GAS2L3: variants seen among roughly 807,000 people sequenced by gnomAD.
The protein encoded by GAS2L3 is GAS2-like protein 3.
Under a neutral mutation model 37.0 loss-of-function variants are expected in GAS2L3, and 28 were observed. That is an observed-to-expected ratio of 0.76 (90% CI 0.56 to 1.04). The LOEUF is 1.04. Ranked by LOEUF, GAS2L3 falls within the 50% of genes least tolerant of loss-of-function variation. The pLI is 0.00. For missense variants in GAS2L3, 793 were observed against 817.6 expected (o/e 0.97, Z 0.37); for synonymous variants, 290 against 296.6 (o/e 0.98, Z 0.23).
rs372315554 is a variant in GAS2L3 at position 100,573,720 on chromosome 12, G to A, written c.-217G>A. The A allele has an allele frequency of 3.3e-3, 519 of 158,618 alleles. 1 individual carries two copies. Among genetic ancestry groups the A allele is most frequent in the African/African-American group, 0.012 (480 of 41,652 alleles). 9.8% of individuals were successfully genotyped at this position (158,618 alleles called of 1,614,324 possible). ...GCAGCGGCGGCGGTTGGTCAGGGGC[G>A]TGTTGGCCCCGCACAGATTGAGCCG... is the stretch of plus-strand genomic sequence containing the variant. On this transcript the variant is annotated 5_prime_UTR_variant, in exon 1 of 10. It adds an upstream start codon to the 5' untranslated region. Coordinates refer to ENST00000547754, the MANE Select transcript of GAS2L3 (RefSeq NM_174942.3).
intron 1 of GAS2L3, among the ~76,000 whole-genome samples, chr12:100,575,886 T>G (rs1267764185): frequency 6.6e-6 from 1 of 152,194 alleles, no homozygotes; most frequent in African/African-American, 2.4e-5. Flanking sequence ...CACACCTTTA[T>G]ATTCCTAACA....
intron 5 of GAS2L3, among the ~76,000 whole-genome samples, chr12:100,602,464 A>T (rs1593175278): frequency 6.6e-6 from 1 of 151,602 alleles, no homozygotes; most frequent in African/African-American, 2.4e-5. Context: ...ATATATATAT[A>T]ATATATATAT....
chr12:100,579,362 C>A, intron 1 of GAS2L3: 1 of 745,764 alleles, frequency 1.3e-6, no homozygotes, highest in Non-Finnish European at 2.3e-6. Flanking sequence ...GTCTGTCATT[C>A]CTAACGCTGT....
At position 100,624,593 on chromosome 12, in the gene GAS2L3, A is replaced by G. The variant is rs1039313178; in HGVS notation, c.1788A>G (p.Ala596=). The G allele has an allele frequency of 6.2e-7, 1 of 1,614,006 alleles. No individual in the cohort carries two copies. Among genetic ancestry groups the G allele is most frequent in the African/African-American group, 1.3e-5 (1 of 74,940 alleles). Residue 596 remains alanine (A), a synonymous_variant, in exon 10 of 10, where the codon GCA becomes GCG. Coordinates refer to ENST00000547754, the MANE Select transcript of GAS2L3 (RefSeq NM_174942.3). ...ATKKQPQNKS[A]FQKTGPSSLK... is the part of the protein sequence containing the mutation. ...AAAAGCAGCCTCAGAATAAAAGTGCATTTCAGAAGACAGGACCCAGCTCCT... is the reference window on the plus strand; with the variant it reads ...AAAAGCAGCCTCAGAATAAAAGTGCGTTTCAGAAGACAGGACCCAGCTCCT...
At chr12:100,591,261 T>TACC (rs1324853560) in intron 1 of GAS2L3, among the ~76,000 whole-genome samples, 1 of 152,088 alleles carries the variant, frequency 6.6e-6, no homozygotes, top group Admixed American at 6.6e-5. Context: ...AATAAGCGTA[T>TACC]ACCACATGAA....
At position 100,624,838 on chromosome 12, in the gene GAS2L3, A is replaced by C. The variant is rs1956315151; in HGVS notation, c.2033A>C (p.Glu678Ala). ...AAAAAACCTACTGCAAAGAAAAAGG[A>C]AGATGATGACCATTATTTTGTCATG... ...GDKKPTAKKK[E>A]DDDHYFVMTG... The change falls in exon 10 of 10, where the codon GAA (glutamate) becomes GCA (alanine). Residue 678 changes from glutamate (E) to alanine (A), a missense_variant. Physicochemically the swap from Glu to Ala is moderately radical, Grantham distance 107. Coordinates refer to ENST00000547754, the MANE Select transcript of GAS2L3 (RefSeq NM_174942.3). 1 of 1,609,756 alleles carries C rather than the reference A, an allele frequency of 6.2e-7. No individual in the cohort carries two copies. Among genetic ancestry groups the C allele is most frequent in the Non-Finnish European group, 8.5e-7 (1 of 1,176,812 alleles).
At chr12:100,601,551 T>G in intron 4 of GAS2L3, 87 bp from the exon 5 acceptor site, 1 of 712,034 alleles carries the variant, frequency 1.4e-6, no homozygotes, top group Non-Finnish European at 2.5e-6. Context: ...TTCTAGTGTT[T>G]TGCTGTAATC....
chr12:100,610,472 G>A lies in GAS2L3; in HGVS notation c.304-1528G>A, dbSNP rs115439419. Among the ~76,000 whole-genome samples, 259 of 151,916 alleles carry A rather than the reference G, an allele frequency of 1.7e-3. 2 individuals are homozygous for A. Among genetic ancestry groups the A allele is most frequent in the African/African-American group, 6.0e-3 (247 of 41,456 alleles). ...GCATAGAGATGTCTTGCCAAAATGT[G>A]GGTGAGAGGATTTCAGTTGATAGTT... is the stretch of plus-strand genomic sequence containing the variant. On this transcript the variant is annotated intron_variant, in intron 5 of 9. Transcript: ENST00000547754.
Position 100,608,545 on chromosome 12 carries a change from G to A in GAS2L3, c.304-3455G>A, listed in dbSNP as rs376639697. On this transcript the variant is annotated intron_variant, in intron 5 of 9. Coordinates refer to ENST00000547754, the MANE Select transcript of GAS2L3 (RefSeq NM_174942.3). Reference sequence around the variant, plus strand: ...GATTGAAGTCTTTTTTTTTTGAGACGGAGTCTCGCTCTGTCGCCCAGGCTG... The same window carrying A: ...GATTGAAGTCTTTTTTTTTTGAGACAGAGTCTCGCTCTGTCGCCCAGGCTG... Among the ~76,000 whole-genome samples the A allele has an allele frequency of 7.2e-5, 11 of 151,848 alleles. No homozygotes were observed. In the South Asian group the frequency reaches 8.3e-4, roughly 11 times the overall value.
intron 1 of GAS2L3, among the ~76,000 whole-genome samples, chr12:100,587,525 A>G (rs1440074661): frequency 6.6e-6 from 1 of 152,214 alleles, no homozygotes; most frequent in Non-Finnish European, 1.5e-5. Flanking sequence ...ATTAGGCAAA[A>G]TCCAGCATCC....
chr12:100,578,957 C>A, intron 1 of GAS2L3: 2 of 904,288 alleles, frequency 2.2e-6, no homozygotes, highest in Non-Finnish European at 3.6e-6. Flanking sequence ...AATTGTCATC[C>A]ATGCTTATGG....
chr12:100,600,296 C>A, intron 3 of GAS2L3, 86 bp from the exon 4 acceptor site: 1 of 827,154 alleles, frequency 1.2e-6, no homozygotes, highest in Non-Finnish European at 1.9e-6. Context: ...ATGATTTATG[C>A]TTCATCATTT....
intron 1 of GAS2L3, chr12:100,578,956 C>A: frequency 1.1e-6 from 1 of 906,860 alleles, no homozygotes; most frequent in Non-Finnish European, 1.8e-6. Context: ...TAATTGTCAT[C>A]CATGCTTATG....
At position 100,600,364 on chromosome 12, in the gene GAS2L3, G is replaced by GT; in HGVS notation, c.19-18_19-17insT. ...AAAGGTTTTATTCATTCAGTTGATT[G>GT]ATTTTTTTTTTCTTTAGGTATGGTT... On this transcript the variant is annotated splice_polypyrimidine_tract_variant and intron_variant, in intron 3 of 9. Coordinates refer to ENST00000547754, the MANE Select transcript of GAS2L3 (RefSeq NM_174942.3). 38 of 1,491,800 alleles carry GT rather than the reference G, an allele frequency of 2.5e-5. No homozygotes were observed. Among genetic ancestry groups the GT allele is most frequent in the Non-Finnish European group, 3.3e-5 (36 of 1,098,418 alleles). 92.4% of individuals were successfully genotyped at this position (1,491,800 alleles called of 1,614,324 possible). A position where few individuals can be genotyped will look rare whatever the true frequency, so the allele number is the denominator to read the frequency against.
intron 2 of GAS2L3, chr12:100,593,908 C>T (rs912126937): frequency 3.3e-5 from 5 of 151,924 alleles, no homozygotes; most frequent in Non-Finnish European, 7.4e-5. Flanking sequence ...TAATATTAGG[C>T]TTTTCAGTAT....
At chr12:100,606,313 G>A (rs1442704956) in intron 5 of GAS2L3, among the ~76,000 whole-genome samples, 1 of 151,838 alleles carries the variant, frequency 6.6e-6, no homozygotes, top group Non-Finnish European at 1.5e-5. Flanking sequence ...AGCTACTACT[G>A]TTCTTTTTCA....
At position 100,595,398 on chromosome 12, in the gene GAS2L3, G is replaced by GT. The variant is rs566262577; in HGVS notation, c.18+489dup. 4.9e-3 allele frequency among the ~76,000 whole-genome samples: 683 copies of GT among 140,710 alleles called. 1 individual carries two copies. Among genetic ancestry groups the GT allele is most frequent in the Middle Eastern group, 0.011 (3 of 278 alleles). 92.3% of individuals were successfully genotyped at this position (140,710 alleles called of 152,430 possible). ...TGGCCATTAAAATTTTAAAGAGTGG[G>GT]TTTTTTTTTTTTTGTTTTGTTTTTT... On this transcript the variant is annotated intron_variant, in intron 3 of 9. Coordinates refer to ENST00000547754, the MANE Select transcript of GAS2L3 (RefSeq NM_174942.3).
At chr12:100,623,064 T>C (rs992817619) in intron 9 of GAS2L3, among the ~76,000 whole-genome samples, 1 of 152,190 alleles carries the variant, frequency 6.6e-6, no homozygotes, top group African/African-American at 2.4e-5. Context: ...TCACCATCCA[T>C]ATTTTCTTCT....
At position 100,612,089 on chromosome 12, in the gene GAS2L3, G is replaced by C. The variant is rs1256778038; in HGVS notation, c.393G>C (p.Trp131Cys). ...ARDNTANFLH[W>C]CRDIGVDETY... ...ACAATACCGCAAACTTCCTTCACTG[G>C]TGTAGGGACATTGGGGTTGATGAAA... The change falls in exon 6 of 10, where the codon TGG (tryptophan) becomes TGC (cysteine). Residue 131 changes from tryptophan (W) to cysteine (C), a missense_variant. Physicochemically the swap from Trp to Cys is radical, Grantham distance 215 (BLOSUM62 -2). Transcript: ENST00000547754. The C allele has an allele frequency of 6.2e-7, 1 of 1,612,644 alleles. No homozygotes were observed. The highest frequency in any genetic ancestry group is 1.7e-5 in the Admixed American group (1 of 60,020).
Sources: allele counts gnomAD v4.1 joint callset (sites outside exome capture counted in the v4.1 genomes callset), GRCh38; gene constraint gnomAD v4.1.1; transcripts MANE v1.5; gene names NCBI Gene and HGNC (gene_info 2026-07-23, HGNC 2026-07-21).